Variants in CACNA2D1 observed in about 807,000 individuals in gnomAD.
The protein encoded by CACNA2D1 is voltage-dependent calcium channel subunit alpha-2/delta-1.
In CACNA2D1, 53 loss-of-function variants were observed where a neutral mutation model predicts 171.5. The observed-to-expected ratio is 0.31, with a 90% CI of 0.25 to 0.39. The LOEUF (loss-of-function observed/expected upper bound fraction) is 0.39, where lower values mean the gene tolerates loss of function less well. CACNA2D1 is among the 10% of genes least tolerant of loss of function. CACNA2D1 has a pLI of 1.00. For synonymous variants in CACNA2D1, 442 were observed against 443.1 expected (o/e 1.00, Z 0.03); for missense variants, 903 against 1,299.8 (o/e 0.69, Z 4.69).
chr7:82,311,679 A>G (rs766376730), intron 3 of CACNA2D1, among the ~76,000 whole-genome samples: 1 of 152,240 alleles, frequency 6.6e-6, no homozygotes, highest in Non-Finnish European at 1.5e-5. Context: ...TTATAGCAAT[A>G]TAGTTATTTG....
At chr7:82,132,414 G>A (rs1331538904) in intron 5 of CACNA2D1, among the ~76,000 whole-genome samples, 1 of 152,176 alleles carries the variant, frequency 6.6e-6, no homozygotes, top group African/African-American at 2.4e-5. Context: ...CAAGGGTTGG[G>A]AGGAAAAGTA....
chr7:82,202,790 T>A (rs1799599231), intron 3 of CACNA2D1, among the ~76,000 whole-genome samples: 1 of 151,698 alleles, frequency 6.6e-6, no homozygotes, highest in Non-Finnish European at 1.5e-5. Context: ...AGGAGGCTGT[T>A]GGCAGAACCA....
At chr7:82,173,736 C>A (rs1019135931) in intron 3 of CACNA2D1, among the ~76,000 whole-genome samples, 1 of 151,838 alleles carries the variant, frequency 6.6e-6, no homozygotes, top group Admixed American at 6.6e-5. Context: ...TAAATGGCAC[C>A]GGTGAATTGT....
At chr7:82,098,658 T>A (rs1000153820) in intron 6 of CACNA2D1, among the ~76,000 whole-genome samples, 1 of 152,130 alleles carries the variant, frequency 6.6e-6, no homozygotes, top group African/African-American at 2.4e-5. Flanking sequence ...TATAAGGCCA[T>A]AAAGTTCTAC....
chr7:82,140,469 A>T (rs2129086231), intron 4 of CACNA2D1, among the ~76,000 whole-genome samples: 1 of 152,304 alleles, frequency 6.6e-6, no homozygotes, highest in South Asian at 2.1e-4. Flanking sequence ...AGCTCACTTG[A>T]TCAATTTTAA....
intron 5 of CACNA2D1, among the ~76,000 whole-genome samples, chr7:82,122,180 A>T (rs917311516): frequency 1.3e-5 from 2 of 152,208 alleles, no homozygotes; most frequent in East Asian, 3.8e-4. Context: ...CACTGTAGGG[A>T]ATATTAAAAC....
chr7:82,000,675 G>GCAA (rs2130825701), intron 18 of CACNA2D1, among the ~76,000 whole-genome samples: 1 of 150,090 alleles, frequency 6.7e-6, no homozygotes, highest in African/African-American at 2.4e-5. Flanking sequence ...TTGGCTCACT[G>GCAA]CAACCTCTGC....
chr7:82,388,342 C>T (rs940376703), intron 1 of CACNA2D1, among the ~76,000 whole-genome samples: 1 of 152,168 alleles, frequency 6.6e-6, no homozygotes, highest in Non-Finnish European at 1.5e-5. Flanking sequence ...TGACAAACTA[C>T]AGAACAGATG....
intron 3 of CACNA2D1, among the ~76,000 whole-genome samples, chr7:82,320,172 G>T (rs1421689948): frequency 6.6e-6 from 1 of 151,992 alleles, no homozygotes; most frequent in Non-Finnish European, 1.5e-5. Context: ...AATCTGCAGA[G>T]AAAAGTATGA....
At chr7:82,157,988 A>G (rs191444133) in intron 4 of CACNA2D1, among the ~76,000 whole-genome samples, 1 of 152,062 alleles carries the variant, frequency 6.6e-6, no homozygotes, top group Admixed American at 6.6e-5. Context: ...GAATAAACAT[A>G]TATGTTTACA....
Position 82,033,149 on chromosome 7 carries a change from A to G in CACNA2D1, c.1039-248T>C, listed in dbSNP as rs1034969552. The G allele has an allele frequency of 2.4e-5, 9 of 368,028 alleles. No homozygotes were observed. In the Admixed American group the frequency reaches 2.7e-4, roughly 11 times the overall value. The allele number at this position is 368,028 out of a possible 1,614,324, so 22.8% of individuals were successfully genotyped here. ...GTCTTTGATCATACGCCACTTTATCATGAGGTGATTACTCACAACTATGTT... is the reference window on the plus strand; with the variant it reads ...GTCTTTGATCATACGCCACTTTATCGTGAGGTGATTACTCACAACTATGTT... On this transcript the variant is annotated intron_variant, in intron 11 of 38. Coordinates refer to ENST00000356860, the MANE Select transcript of CACNA2D1 (RefSeq NM_000722.4).
intron 7 of CACNA2D1, among the ~76,000 whole-genome samples, chr7:82,075,549 A>G (rs1808861213): frequency 6.6e-6 from 1 of 152,186 alleles, no homozygotes. Context: ...TCTGACAGAG[A>G]AACATGTTTC....
At chr7:82,283,747 G>T (rs895887639) in intron 3 of CACNA2D1, among the ~76,000 whole-genome samples, 6 of 152,126 alleles carry the variant, frequency 3.9e-5, no homozygotes, top group African/African-American at 1.2e-4. Context: ...ATTAATGCAT[G>T]TAACTAGTAC....
At chr7:82,094,519 A>G (rs1028084841) in intron 6 of CACNA2D1, among the ~76,000 whole-genome samples, 1 of 152,188 alleles carries the variant, frequency 6.6e-6, no homozygotes, top group Admixed American at 6.5e-5. Flanking sequence ...AGTGAGCATG[A>G]CTTGTTTAGA....
chr7:82,128,469 G>A (rs543521212), intron 5 of CACNA2D1, among the ~76,000 whole-genome samples: 6 of 152,258 alleles, frequency 3.9e-5, no homozygotes, highest in African/African-American at 1.2e-4. Context: ...CAGAGTCCTT[G>A]AAGAGCATAA....
intron 15 of CACNA2D1, among the ~76,000 whole-genome samples, chr7:82,009,014 A>G (rs1049226003): frequency 6.6e-5 from 10 of 152,156 alleles, no homozygotes; most frequent in African/African-American, 2.2e-4. Flanking sequence ...GTGTTCCCAC[A>G]CAAATCTCAT....
intron 18 of CACNA2D1, among the ~76,000 whole-genome samples, chr7:82,003,596 T>C (rs1798818551): frequency 6.7e-6 from 1 of 150,012 alleles, no homozygotes; most frequent in African/African-American, 2.4e-5. Flanking sequence ...GGTAGATTTA[T>C]ATATATAGAT....
intron 28 of CACNA2D1, 140 bp downstream of exon 28, chr7:81,969,741 G>A: frequency 1.6e-6 from 1 of 638,822 alleles, no homozygotes; most frequent in South Asian, 1.8e-5. Context: ...TTTTCCTAAT[G>A]CCTTGCAAAT....
chr7:82,142,216 T>C (rs993137033), intron 4 of CACNA2D1, among the ~76,000 whole-genome samples: 1 of 152,222 alleles, frequency 6.6e-6, no homozygotes, highest in Non-Finnish European at 1.5e-5. Context: ...TTTTTAACCA[T>C]GCAGTTTAGT....
Sources: allele counts gnomAD v4.1 joint callset (sites outside exome capture counted in the v4.1 genomes callset), GRCh38; gene constraint gnomAD v4.1.1; transcripts MANE v1.5; gene names NCBI Gene and HGNC (gene_info 2026-07-23, HGNC 2026-07-21).